The following MAPK10 variants were observed in gnomAD, a reference collection of about 807,000 sequenced individuals.
The protein encoded by MAPK10 is mitogen-activated protein kinase 10.
A neutral mutation model predicts 59.3 loss-of-function variants in MAPK10; 25 were observed. That is an observed-to-expected ratio of 0.42 (90% CI 0.31 to 0.59). MAPK10 has a LOEUF of 0.59. Among genes scored for constraint, MAPK10 ranks in the 20% least tolerant of loss-of-function variants. The pLI is 0.15. For missense variants in MAPK10, 351 were observed against 568.9 expected (o/e 0.62, Z 3.90); for synonymous variants, 190 against 200.5 (o/e 0.95, Z 0.44).
intron 2 of MAPK10, among the ~76,000 whole-genome samples, chr4:86,218,964 C>G (rs987351119): frequency 6.6e-6 from 1 of 152,332 alleles, no homozygotes; most frequent in Middle Eastern, 3.4e-3. Context: ...GGGCTTCCAG[C>G]CAACTCTTCT....
intron 11 of MAPK10, among the ~76,000 whole-genome samples, chr4:86,046,147 T>C (rs2042453391): frequency 6.6e-6 from 1 of 151,834 alleles, no homozygotes; most frequent in African/African-American, 2.4e-5. Flanking sequence ...TTTTTGTACA[T>C]TGATTTTGTA....
At chr4:86,069,210 G>A (rs1243347049) in intron 9 of MAPK10, among the ~76,000 whole-genome samples, 1 of 152,112 alleles carries the variant, frequency 6.6e-6, no homozygotes, top group Non-Finnish European at 1.5e-5. Flanking sequence ...ACAAACAGTA[G>A]ATAGGAGATT....
At chr4:86,273,025 G>A (rs1011330981) in intron 2 of MAPK10, among the ~76,000 whole-genome samples, 1 of 152,000 alleles carries the variant, frequency 6.6e-6, no homozygotes, top group Non-Finnish European at 1.5e-5. Flanking sequence ...CCACAATGCT[G>A]TTTTGCAGCA....
At chr4:86,300,728 C>T (rs1296580572) in intron 2 of MAPK10, 1 of 151,988 alleles carries the variant, frequency 6.6e-6, no homozygotes, top group Non-Finnish European at 1.5e-5. Flanking sequence ...GAACTTGATT[C>T]GCATATTTGC....
intron 1 of MAPK10, among the ~76,000 whole-genome samples, chr4:86,549,864 AAAC>A (rs1387809339): frequency 5.3e-5 from 8 of 152,250 alleles, no homozygotes; most frequent in Non-Finnish European, 1.0e-4. Context: ...ACAAACAAAC[AAAC>A]AAAACAATAA....
chr4:86,493,745 G>A (rs1754655962), intron 1 of MAPK10, among the ~76,000 whole-genome samples: 1 of 152,156 alleles, frequency 6.6e-6, no homozygotes, highest in Non-Finnish European at 1.5e-5. Flanking sequence ...TGAAGACACA[G>A]ATAGTTTTAT....
At chr4:86,359,280 C>CTCTCTCTCTT (rs1361677133) in intron 1 of MAPK10, among the ~76,000 whole-genome samples, 48 of 137,222 alleles carry the variant, frequency 3.5e-4, no homozygotes, top group Non-Finnish European at 6.0e-4. Flanking sequence ...CTCTCTCTCT[C>CTCTCTCTCTT]TCTCTCTCTG....
At chr4:86,294,847 TG>T (rs2095316648) in intron 2 of MAPK10, among the ~76,000 whole-genome samples, 1 of 152,218 alleles carries the variant, frequency 6.6e-6, no homozygotes, top group South Asian at 2.1e-4. Flanking sequence ...TTCGAGGCTT[TG>T]GCTGAGTACT....
intron 1 of MAPK10, chr4:86,593,669 G>A (rs1763283924): frequency 1.3e-5 from 2 of 152,104 alleles, no homozygotes; most frequent in Admixed American, 1.3e-4. Context: ...TTTTCCCTAG[G>A]GCATTTGGCG....
chr4:86,050,009 C>T (rs1302325111), intron 11 of MAPK10, among the ~76,000 whole-genome samples: 1 of 152,098 alleles, frequency 6.6e-6, no homozygotes, highest in Non-Finnish European at 1.5e-5. Context: ...CTCACCATTC[C>T]CTTCCCTGCT....
intron 1 of MAPK10, among the ~76,000 whole-genome samples, chr4:86,446,146 G>A (rs1037564497): frequency 1.3e-5 from 2 of 152,072 alleles, no homozygotes; most frequent in Non-Finnish European, 2.9e-5. Context: ...AGAAATACTC[G>A]ATTATTGTTA....
intron 1 of MAPK10, among the ~76,000 whole-genome samples, chr4:86,440,568 T>C (rs1027169478): frequency 3.3e-5 from 5 of 150,658 alleles, no homozygotes; most frequent in Admixed American, 2.7e-4. Flanking sequence ...AGGTTGAGGC[T>C]GTAGTGAGCT....
At chr4:86,534,499 T>G (rs1352160954) in intron 1 of MAPK10, among the ~76,000 whole-genome samples, 1 of 152,132 alleles carries the variant, frequency 6.6e-6, no homozygotes, top group Non-Finnish European at 1.5e-5. Flanking sequence ...TGTTGCCTTT[T>G]AGTTTTAACA....
intron 1 of MAPK10, among the ~76,000 whole-genome samples, chr4:86,442,951 A>G (rs1749585553): frequency 6.6e-6 from 1 of 152,212 alleles, no homozygotes; most frequent in African/African-American, 2.4e-5. Context: ...CAAGCTGAAC[A>G]TCAAACACTT....
intron 1 of MAPK10, among the ~76,000 whole-genome samples, chr4:86,436,978 C>G (rs1453817321): frequency 1.3e-5 from 2 of 151,942 alleles, no homozygotes; most frequent in African/African-American, 4.8e-5. Flanking sequence ...TTTGGGAGGC[C>G]AAGGTGGGCA....
At chr4:86,552,886 C>T (rs979668096) in intron 1 of MAPK10, among the ~76,000 whole-genome samples, 1 of 152,124 alleles carries the variant, frequency 6.6e-6, no homozygotes, top group Admixed American at 6.5e-5. Flanking sequence ...ACCCACTGCA[C>T]GTGCAGCTTT....
chr4:86,078,626 C>CAA (rs1252832959), intron 9 of MAPK10, among the ~76,000 whole-genome samples: 1 of 152,024 alleles, frequency 6.6e-6, no homozygotes, highest in East Asian at 1.9e-4. Flanking sequence ...CACACACACA[C>CAA]ACAAACATAT....
At chr4:86,361,477 G>A (rs1736945744), upstream of MAPK10, among the ~76,000 whole-genome samples, 1 of 152,070 alleles carries the variant, frequency 6.6e-6, no homozygotes, top group Admixed American at 6.6e-5. Context: ...GGCTTTTGAG[G>A]TATTATATAC....
intron 1 of MAPK10, among the ~76,000 whole-genome samples, chr4:86,386,662 C>T (rs1741515737): frequency 6.6e-6 from 1 of 151,938 alleles, no homozygotes; most frequent in East Asian, 1.9e-4. Flanking sequence ...GAAACTCTAA[C>T]ACATAACACA....
Sources: gnomAD v4.1 joint callset for allele counts (sites outside exome capture counted in the v4.1 genomes callset) on GRCh38, gnomAD v4.1.1 for gene constraint, MANE v1.5 for transcripts, NCBI Gene and HGNC (gene_info 2026-07-23, HGNC 2026-07-21) for gene names.